The following TRPM6 variants were observed in gnomAD, a reference collection of about 807,000 sequenced individuals.
The protein encoded by TRPM6 is transient receptor potential cation channel subfamily M member 6, also known as channel kinase 2.
TRPM6 carries 111 observed loss-of-function variants against 247.6 expected under a neutral mutation model. The observed-to-expected ratio is 0.45, with a 90% CI of 0.38 to 0.52. TRPM6 has a LOEUF of 0.52. TRPM6 is among the 20% of genes least tolerant of loss of function. The pLI is 0.00. For synonymous variants in TRPM6, 892 were observed against 853.8 expected (o/e 1.04, Z -0.78); for missense variants, 2,126 against 2,421.5 (o/e 0.88, Z 2.56).
chr9:74,731,855 T>C (rs1291462814), intron 37 of TRPM6, among the ~76,000 whole-genome samples: 2 of 152,092 alleles, frequency 1.3e-5, no homozygotes, highest in Non-Finnish European at 2.9e-5. Flanking sequence ...TTGTAAGAAA[T>C]GCAGATTATT....
chr9:74,753,087 T>G (rs1316521512), intron 28 of TRPM6, among the ~76,000 whole-genome samples: 1 of 131,916 alleles, frequency 7.6e-6, no homozygotes, highest in East Asian at 2.1e-4. Flanking sequence ...CACTCCAGCC[T>G]GAGCGACAGA....
At position 74,802,018 on chromosome 9, in the gene TRPM6, T is replaced by C. The variant is rs1828356822; in HGVS notation, c.1889A>G (p.His630Arg). 6.2e-7 allele frequency: 1 copy of C among 1,614,214 alleles called. No homozygotes were observed. Among genetic ancestry groups the C allele is most frequent in the Non-Finnish European group, 8.5e-7 (1 of 1,180,030 alleles). The change falls in exon 16 of 39, where the codon CAT becomes CGT. Residue 630 changes from histidine (H) to arginine (R), a missense_variant. His to Arg is a conservative substitution (Grantham distance 29). This residue lies in a region of TRPM6 where 1,082 missense variants were observed against 1,307.9 expected (regional missense o/e 0.83). Coordinates refer to ENST00000360774, the MANE Select transcript of TRPM6 (RefSeq NM_017662.5). The stretch of plus-strand genomic sequence containing the variant: ...GGCTTTAACCGTGGCCTCCTCTCCA[T>C]GCTGCCAGAAGAACATAGCCATCTT... ...RQKMAMFFWQ[H>R]GEEATVKAVI...
intron 1 of TRPM6, among the ~76,000 whole-genome samples, chr9:74,872,629 C>A (rs76714758): frequency 3.9e-5 from 4 of 102,568 alleles, no homozygotes; most frequent in Non-Finnish European, 8.4e-5. Flanking sequence ...TGTGTGCATG[C>A]GCGCACGTGT....
chr9:74,751,324 T>C (rs1826236718), intron 29 of TRPM6, among the ~76,000 whole-genome samples: 1 of 152,210 alleles, frequency 6.6e-6, no homozygotes, highest in African/African-American at 2.4e-5. Context: ...AGGATGGCAT[T>C]AGTCCCACTT....
intron 11 of TRPM6, among the ~76,000 whole-genome samples, chr9:74,814,698 C>T (rs1828863717): frequency 1.3e-5 from 2 of 152,178 alleles, no homozygotes; most frequent in African/African-American, 4.8e-5. Flanking sequence ...AGCCTATAAT[C>T]CCAGCACTTT....
chr9:74,827,375 T>C (rs1203258406), intron 7 of TRPM6, among the ~76,000 whole-genome samples: 1 of 152,124 alleles, frequency 6.6e-6, no homozygotes, highest in Non-Finnish European at 1.5e-5. Flanking sequence ...GGGTTCCCTA[T>C]GTTAACTTAA....
chr9:74,866,497 T>C (rs1312474032), intron 1 of TRPM6, among the ~76,000 whole-genome samples: 1 of 152,174 alleles, frequency 6.6e-6, no homozygotes, highest in African/African-American at 2.4e-5. Flanking sequence ...TTTTTTGTTT[T>C]TGAGACAGAG....
intron 1 of TRPM6, among the ~76,000 whole-genome samples, chr9:74,868,939 C>T (rs1830938182): frequency 6.6e-6 from 1 of 152,062 alleles, no homozygotes; most frequent in African/African-American, 2.4e-5. Context: ...ACTTACTAGC[C>T]AGGATGGTGG....
At chr9:74,851,758 A>ATATATATATATAT (rs200466068) in intron 3 of TRPM6, among the ~76,000 whole-genome samples, 1 of 139,472 alleles carries the variant, frequency 7.2e-6, no homozygotes, top group African/African-American at 2.6e-5. Flanking sequence ...CAAAAAAAAA[A>ATATATATATATAT]AAAAAATATA....
chr9:74,827,640 G>T, intron 7 of TRPM6, 138 bp downstream of exon 7: 1 of 851,748 alleles, frequency 1.2e-6, no homozygotes, highest in Non-Finnish European at 2.0e-6. Flanking sequence ...GCCCATGTGG[G>T]AAGGGGGGTG....
At chr9:74,852,666 A>AT (rs1333414476) in intron 3 of TRPM6, among the ~76,000 whole-genome samples, 2 of 152,044 alleles carry the variant, frequency 1.3e-5, no homozygotes, top group South Asian at 2.1e-4. Context: ...TGGTTTTTGT[A>AT]TTTTTTGGTG....
At chr9:74,753,991 G>A (rs181921985) in intron 28 of TRPM6, among the ~76,000 whole-genome samples, 44 of 151,736 alleles carry the variant, frequency 2.9e-4, no homozygotes, top group Non-Finnish European at 5.3e-4. Flanking sequence ...TTTGAAATTC[G>A]TTGGAAAGAA....
At chr9:74,817,742 G>A (rs1828990611) in intron 9 of TRPM6, among the ~76,000 whole-genome samples, 1 of 27,734 alleles carries the variant, frequency 3.6e-5, no homozygotes, top group South Asian at 2.3e-3. Context: ...TCAAAAAAAG[G>A]GGGGGGGAGT....
chr9:74,777,569 G>C (rs1363930839), intron 23 of TRPM6, among the ~76,000 whole-genome samples: 1 of 152,134 alleles, frequency 6.6e-6, no homozygotes, highest in Non-Finnish European at 1.5e-5. Context: ...TACTAAAATA[G>C]TTCAAATCAA....
chr9:74,763,441 T>G (rs942668595), intron 25 of TRPM6, among the ~76,000 whole-genome samples: 26 of 152,342 alleles, frequency 1.7e-4, no homozygotes, highest in African/African-American at 5.5e-4. Flanking sequence ...TTCAATTGTG[T>G]GATCAATCAT....
intron 11 of TRPM6, among the ~76,000 whole-genome samples, 180 bp downstream of exon 11, chr9:74,816,489 A>C (rs1183907410): frequency 7.3e-6 from 1 of 137,840 alleles, no homozygotes; most frequent in African/African-American, 2.6e-5. Flanking sequence ...AAAAAAAAAA[A>C]CAGATGGTTT....
In TRPM6 at chr9:74,771,763, T is replaced by A. The variant is rs1211148575; in HGVS notation, c.3476A>T (p.His1159Leu). ...ACAATTCACATCTTCCATCTTCTCA[T>A]GGAAGTATTTTTCCACGCACTGCTC... The part of the protein sequence containing the change: ...FEEQCVEKYF[H>L]EKMEDVNCSC... The change falls in exon 25 of 39, where the codon CAT becomes CTT. Residue 1159 changes from histidine to leucine, a missense_variant. Around this residue, in one of 3 missense-constraint regions of TRPM6, gnomAD observed 717 missense variants for 715.9 expected, o/e 1.00. Transcript: ENST00000360774. 6 of 1,613,760 alleles carry A rather than the reference T, an allele frequency of 3.7e-6. No individual in the cohort carries two copies. Among genetic ancestry groups the A allele is most frequent in the Non-Finnish European group, 5.1e-6 (6 of 1,179,834 alleles).
Position 74,782,723 on chromosome 9 carries a change from G to C in TRPM6, c.3050C>G (p.Pro1017Arg). Residue 1017 changes from proline (P) to arginine (R), a missense_variant, in exon 22 of 39, where the codon CCA (proline) becomes CGA (arginine). Pro to Arg is a moderately radical substitution (Grantham distance 103, BLOSUM62 -2). Around this residue, in one of 3 missense-constraint regions of TRPM6, gnomAD observed 1,082 missense variants for 1,307.9 expected, o/e 0.83. Transcript: ENST00000360774. The part of the protein sequence containing the change: ...WSLARDIVFE[P>R]YWMIYGEVYA... ...GACTTCTCCGTATATCATCCAGTAT[G>C]GCTCAAATACAATATCTCGAGCTAG... 6.2e-7 allele frequency: 1 copy of C among 1,614,124 alleles called. No homozygotes were observed. The highest frequency in any genetic ancestry group is 8.5e-7 in the Non-Finnish European group (1 of 1,180,010).
In TRPM6 at chr9:74,738,424, A is replaced by T; in HGVS notation, c.5759T>A (p.Leu1920Gln). ...TCAATCACCTTGCAAATCTAAAACC[A>T]GCAGCTCTCCCCGAGTGTACTCATA... ...WTYEYTRGEL[L>Q]VLDLQGVGEN... Residue 1920 changes from leucine (L) to glutamine (Q), a missense_variant, in exon 36 of 39, where the codon CTG becomes CAG. Leu to Gln is a moderately radical substitution (Grantham distance 113). Transcript: ENST00000360774. 1 of 1,614,018 alleles carries T rather than the reference A, an allele frequency of 6.2e-7. No homozygotes were observed. Among genetic ancestry groups the T allele is most frequent in the Non-Finnish European group, 8.5e-7 (1 of 1,179,958 alleles).
Sources: allele counts gnomAD v4.1 joint callset (sites outside exome capture counted in the v4.1 genomes callset), GRCh38; gene constraint gnomAD v4.1.1; regional missense constraint gnomAD v4.1.1; transcripts MANE v1.5; gene names NCBI Gene and HGNC (gene_info 2026-07-23, HGNC 2026-07-21).